SRGAP1: variants seen among roughly 807,000 people sequenced by gnomAD.
SRGAP1 encodes the protein SLIT-ROBO Rho GTPase activating protein 1.
In SRGAP1, 43 loss-of-function variants were observed where a neutral mutation model predicts 121.9. That is an observed-to-expected ratio of 0.35 (90% CI 0.28 to 0.46). SRGAP1 has a LOEUF of 0.46. Ranked by LOEUF, SRGAP1 falls within the 20% of genes least tolerant of loss-of-function variation. The probability of loss-of-function intolerance (pLI) is 1.00; values close to 1 mark genes in which losing one functional copy is unlikely to be tolerated. For missense variants in SRGAP1, 1,102 were observed against 1,350.9 expected (o/e 0.82, Z 2.89); for synonymous variants, 447 against 485.4 (o/e 0.92, Z 1.04).
In SRGAP1 at chr12:64,149,263, G is replaced by T. The variant is rs1313039228; in HGVS notation, c.*6591G>T. The T allele has an allele frequency of 1.3e-5, 2 of 152,176 alleles. No individual in the cohort carries two copies. The highest frequency in any genetic ancestry group is 4.1e-4 in the South Asian group (2 of 4,820). 9.4% of individuals were successfully genotyped at this position (152,176 alleles called of 1,614,324 possible). ...ACCGGAAGGCCTACTCAAAGGCAAGGATACTTTTCTTTCTTTCCAAAAAAG... is the reference window on the plus strand; with the variant it reads ...ACCGGAAGGCCTACTCAAAGGCAAGTATACTTTTCTTTCTTTCCAAAAAAG... On this transcript the variant is annotated 3_prime_UTR_variant, in exon 22 of 22. Transcript: ENST00000355086.
intron 1 of SRGAP1, among the ~76,000 whole-genome samples, chr12:63,920,799 T>C (rs750890265): frequency 2.0e-5 from 3 of 152,132 alleles, no homozygotes; most frequent in Non-Finnish European, 4.4e-5. Flanking sequence ...TTAAGGATAA[T>C]ATCCTGGTTT....
At chr12:63,999,804 G>A (rs2033824027) in intron 3 of SRGAP1, among the ~76,000 whole-genome samples, 1 of 152,066 alleles carries the variant, frequency 6.6e-6, no homozygotes, top group Non-Finnish European at 1.5e-5. Flanking sequence ...TTCCACCTTT[G>A]GCAGGTCATT....
chr12:64,152,911 TAAAAAAAA>T lies in SRGAP1; in HGVS notation c.*10257_*10264del, dbSNP rs57320190. 1.1e-5 allele frequency: 1 copy of T among 89,912 alleles called. No homozygotes were observed. The highest frequency in any genetic ancestry group is 4.4e-5 in the African/African-American group (1 of 22,674). The allele number at this position is 89,912 out of a possible 1,614,324, so 5.6% of individuals were successfully genotyped here. On this transcript the variant is annotated 3_prime_UTR_variant, in exon 22 of 22. Coordinates refer to ENST00000355086, the MANE Select transcript of SRGAP1 (RefSeq NM_020762.4). ...ATGGAGTGTACTTCCTGGTATGATT[TAAAAAAAA>T]AAAAAAAAAAAAAAAAACCACTACA...
At chr12:64,000,572 C>T (rs987880950) in intron 3 of SRGAP1, among the ~76,000 whole-genome samples, 87 of 152,186 alleles carry the variant, frequency 5.7e-4, no homozygotes, top group African/African-American at 1.9e-3. Flanking sequence ...ATGAATACAC[C>T]ACTGCAGTCT....
intron 17 of SRGAP1, among the ~76,000 whole-genome samples, chr12:64,114,026 A>AC (rs2036476164): frequency 9.7e-6 from 1 of 103,492 alleles, no homozygotes; most frequent in Non-Finnish European, 2.0e-5. Context: ...AACTGAAAGT[A>AC]CTTTTTTTTT....
intron 4 of SRGAP1, among the ~76,000 whole-genome samples, chr12:64,033,870 A>AT (rs2034839339): frequency 2.6e-5 from 4 of 151,824 alleles, no homozygotes; most frequent in Admixed American, 2.6e-4. Context: ...AAATACAAGA[A>AT]TTAGCCACTC....
At chr12:63,924,621 C>CT (rs2031188715) in intron 1 of SRGAP1, among the ~76,000 whole-genome samples, 1 of 152,168 alleles carries the variant, frequency 6.6e-6, no homozygotes, top group Non-Finnish European at 1.5e-5. Context: ...CCCTAGTGAA[C>CT]TTTATCACTT....
chr12:64,122,501 T>G (rs1450151405), intron 18 of SRGAP1, among the ~76,000 whole-genome samples: 2 of 152,196 alleles, frequency 1.3e-5, no homozygotes, highest in Non-Finnish European at 2.9e-5. Context: ...GTTGATGTAC[T>G]AGGATTGCCA....
intron 1 of SRGAP1, among the ~76,000 whole-genome samples, chr12:63,951,151 T>TG (rs1219116152): frequency 9.3e-6 from 1 of 107,980 alleles, no homozygotes; most frequent in Non-Finnish European, 1.9e-5. Flanking sequence ...CATTTAGAAC[T>TG]CTTTTTTTTT....
At chr12:63,977,444 A>G (rs1402500569) in intron 1 of SRGAP1, among the ~76,000 whole-genome samples, 1 of 152,214 alleles carries the variant, frequency 6.6e-6, no homozygotes, top group Non-Finnish European at 1.5e-5. Flanking sequence ...TATCAATTTT[A>G]TGTCCTGGTC....
chr12:64,017,015 A>G lies in SRGAP1; in HGVS notation c.489+3A>G. The G allele has an allele frequency of 1.3e-6, 2 of 1,503,700 alleles. No homozygotes were observed. The highest frequency in any genetic ancestry group is 9.2e-7 in the Non-Finnish European group (1 of 1,090,386). 93.1% of individuals were successfully genotyped at this position (1,503,700 alleles called of 1,614,324 possible). A position where few individuals can be genotyped will look rare whatever the true frequency, so the allele number is the denominator to read the frequency against. Reference sequence around the variant, plus strand: ...AGGTTCTTAATGAGCTTTATACGGTAAGGACATAATCTTTCTTCTTTTCTA... The same window carrying G: ...AGGTTCTTAATGAGCTTTATACGGTGAGGACATAATCTTTCTTCTTTTCTA... On this transcript the variant is annotated splice_donor_region_variant and intron_variant, in intron 4 of 21. Transcript: ENST00000355086.
chr12:64,127,763 T>C, intron 20 of SRGAP1, 39 bp downstream of exon 20: 1 of 1,610,426 alleles, frequency 6.2e-7, no homozygotes, highest in Non-Finnish European at 8.5e-7. Flanking sequence ...AAGCCTCCGC[T>C]CCTCCTGGGG....
At chr12:64,036,927 A>T (rs1469761027) in intron 4 of SRGAP1, among the ~76,000 whole-genome samples, 1 of 152,208 alleles carries the variant, frequency 6.6e-6, no homozygotes, top group Non-Finnish European at 1.5e-5. Flanking sequence ...CTCTTCTTAC[A>T]GGACAGTCCA....
At chr12:63,889,615 T>A (rs1900508568) in intron 1 of SRGAP1, among the ~76,000 whole-genome samples, 1 of 151,368 alleles carries the variant, frequency 6.6e-6, no homozygotes, top group Non-Finnish European at 1.5e-5. Context: ...TAGGGGGCTT[T>A]AAAAAAAAAT....
At chr12:63,859,923 A>T (rs1899389935) in intron 1 of SRGAP1, among the ~76,000 whole-genome samples, 1 of 152,204 alleles carries the variant, frequency 6.6e-6, no homozygotes, top group Non-Finnish European at 1.5e-5. Flanking sequence ...TTTGATATGT[A>T]AAGAATTAAG....
intron 10 of SRGAP1, 115 bp from the exon 11 acceptor site, chr12:64,086,883 CG>C: frequency 2.8e-6 from 2 of 712,686 alleles, no homozygotes; most frequent in Non-Finnish European, 2.4e-6. Context: ...GCCATAAAAA[CG>C]TGTAAGTTAT....
At chr12:63,851,434 T>A (rs1199794455) in intron 1 of SRGAP1, among the ~76,000 whole-genome samples, 1 of 152,034 alleles carries the variant, frequency 6.6e-6, no homozygotes, top group Non-Finnish European at 1.5e-5. Flanking sequence ...CTCTAATTTT[T>A]AAAAAATAAA....
intron 21 of SRGAP1, among the ~76,000 whole-genome samples, chr12:64,135,431 C>T (rs1311815916): frequency 6.6e-6 from 1 of 152,100 alleles, no homozygotes; most frequent in African/African-American, 2.4e-5. Flanking sequence ...CTTCTGAAGC[C>T]AGGAGATAGA....
At chr12:63,988,484 C>A (rs1436801243) in intron 2 of SRGAP1, among the ~76,000 whole-genome samples, 2 of 152,110 alleles carry the variant, frequency 1.3e-5, no homozygotes, top group African/African-American at 4.8e-5. Flanking sequence ...TGGGAGGCTG[C>A]CCTCATGGGT....
Sources: allele counts gnomAD v4.1 joint callset (sites outside exome capture counted in the v4.1 genomes callset), GRCh38; gene constraint gnomAD v4.1.1; transcripts MANE v1.5; gene names NCBI Gene and HGNC (gene_info 2026-07-23, HGNC 2026-07-21).